The following ATXN1 variants were observed in gnomAD, a reference collection of about 807,000 sequenced individuals.
ATXN1 encodes ataxin-1.
ATXN1 carries 8 observed loss-of-function variants against 56.4 expected under a neutral mutation model. The ratio of observed to expected loss-of-function variants is 0.14; its 90% confidence interval spans 0.08 to 0.26. The LOEUF (loss-of-function observed/expected upper bound fraction) is 0.26. ATXN1 is among the 10% of genes least tolerant of loss of function. The pLI, the probability that ATXN1 is intolerant of heterozygous loss-of-function variation, is 1.00. For missense variants in ATXN1, 987 were observed against 1,106.5 expected (o/e 0.89, Z 1.53); for synonymous variants, 514 against 494.6 (o/e 1.04, Z -0.52).
intron 2 of ATXN1, among the ~76,000 whole-genome samples, chr6:16,720,265 G>T (rs894121024): frequency 6.6e-6 from 1 of 151,946 alleles, no homozygotes; most frequent in African/African-American, 2.4e-5. Context: ...AATCCCCTTC[G>T]CCCCTGCCAT....
chr6:16,556,665 C>T (rs1456732687), intron 4 of ATXN1, among the ~76,000 whole-genome samples: 1 of 152,180 alleles, frequency 6.6e-6, no homozygotes, highest in African/African-American at 2.4e-5. Flanking sequence ...GGCAGGCTCA[C>T]TGTTAATGGG....
At chr6:16,739,929 G>T in intron 2 of ATXN1, 1 of 455,942 alleles carries the variant, frequency 2.2e-6, no homozygotes. Flanking sequence ...CTGTTAGAGA[G>T]AAACATTCTT....
At chr6:16,351,632 G>A (rs1761569793) in intron 6 of ATXN1, among the ~76,000 whole-genome samples, 1 of 152,022 alleles carries the variant, frequency 6.6e-6, no homozygotes, top group African/African-American at 2.4e-5. Context: ...TGAACTCTTG[G>A]GCTCAAGAGA....
intron 7 of ATXN1, among the ~76,000 whole-genome samples, chr6:16,309,141 G>C (rs1760326215): frequency 6.6e-6 from 1 of 150,922 alleles, no homozygotes; most frequent in Non-Finnish European, 1.5e-5. Context: ...GAGGCAGGAG[G>C]ATCTTGAGCC....
At chr6:16,705,591 C>T (rs1759390384) in intron 2 of ATXN1, among the ~76,000 whole-genome samples, 1 of 152,140 alleles carries the variant, frequency 6.6e-6, no homozygotes, top group Non-Finnish European at 1.5e-5. Flanking sequence ...TCTAATTGCT[C>T]ATCAAGTCCT....
chr6:16,505,163 G>A (rs1760959669), intron 5 of ATXN1, among the ~76,000 whole-genome samples: 3 of 152,230 alleles, frequency 2.0e-5, no homozygotes, highest in South Asian at 4.1e-4. Flanking sequence ...CCTCTCAGCT[G>A]TGGTCAGCTG....
intron 6 of ATXN1, among the ~76,000 whole-genome samples, chr6:16,345,179 GT>G (rs1181976977): frequency 3.9e-5 from 6 of 152,140 alleles, no homozygotes; most frequent in Admixed American, 2.0e-4. Context: ...ATAAAATAAT[GT>G]TGTGGTATCT....
chr6:16,324,167 C>G (rs369694026), intron 7 of ATXN1, among the ~76,000 whole-genome samples: 2 of 152,128 alleles, frequency 1.3e-5, no homozygotes, highest in South Asian at 2.1e-4. Context: ...AAAAGCCAGA[C>G]ATAGGGACTC....
chr6:16,539,200 A>G (rs1465466936), intron 4 of ATXN1, among the ~76,000 whole-genome samples: 1 of 152,252 alleles, frequency 6.6e-6, no homozygotes, highest in African/African-American at 2.4e-5. Flanking sequence ...CTAATGATTC[A>G]TTCCACTTTT....
intron 6 of ATXN1, among the ~76,000 whole-genome samples, chr6:16,405,745 C>T (rs865872911): frequency 2.6e-5 from 4 of 152,340 alleles, no homozygotes; most frequent in Middle Eastern, 3.4e-3. Flanking sequence ...GCAGCTCATC[C>T]TGTCCTTGGA....
At chr6:16,702,223 A>G (rs867668254) in intron 2 of ATXN1, among the ~76,000 whole-genome samples, 9 of 152,254 alleles carry the variant, frequency 5.9e-5, no homozygotes, top group Non-Finnish European at 4.4e-5. Flanking sequence ...TGACAAAAAC[A>G]AGAAATGGGG....
chr6:16,391,462 T>A (rs936356686), intron 6 of ATXN1, among the ~76,000 whole-genome samples: 4 of 152,192 alleles, frequency 2.6e-5, no homozygotes, highest in Admixed American at 1.3e-4. Context: ...ATGGTATTTT[T>A]TAAAAACATT....
At chr6:16,613,392 A>G (rs1198158111) in intron 3 of ATXN1, among the ~76,000 whole-genome samples, 1 of 151,872 alleles carries the variant, frequency 6.6e-6, no homozygotes, top group Non-Finnish European at 1.5e-5. Context: ...ATATACAAAA[A>G]TAAGATTGAC....
chr6:16,634,790 C>A (rs9297013), intron 3 of ATXN1, among the ~76,000 whole-genome samples: 1 of 151,616 alleles, frequency 6.6e-6, no homozygotes, highest in South Asian at 2.1e-4. Flanking sequence ...ATTTATTTTG[C>A]GTGTGTGTGT....
intron 2 of ATXN1, among the ~76,000 whole-genome samples, chr6:16,678,925 A>G (rs909001084): frequency 6.6e-6 from 1 of 152,140 alleles, no homozygotes; most frequent in Non-Finnish European, 1.5e-5. Context: ...AATCCCAGCT[A>G]CTTGGGAGGC....
intron 3 of ATXN1, among the ~76,000 whole-genome samples, chr6:16,636,340 A>G (rs768556658): frequency 2.8e-4 from 33 of 116,074 alleles, no homozygotes; most frequent in Non-Finnish European, 5.1e-4. Context: ...CCTCCTCCCA[A>G]AGCAATTTAG....
intron 6 of ATXN1, among the ~76,000 whole-genome samples, chr6:16,440,648 A>AAAAAAAAAAAAGAAAG (rs748929817): frequency 1.7e-5 from 2 of 118,570 alleles, no homozygotes; most frequent in African/African-American, 3.6e-5. Context: ...CTTAAAAAAA[A>AAAAAAAAAAAAGAAAG]AAAAGAAAAG....
At chr6:16,440,456 A>G (rs925665037) in intron 6 of ATXN1, among the ~76,000 whole-genome samples, 1 of 151,672 alleles carries the variant, frequency 6.6e-6, no homozygotes, top group Non-Finnish European at 1.5e-5. Flanking sequence ...AAAAAAAAAA[A>G]ACCATTTTCT....
intron 6 of ATXN1, among the ~76,000 whole-genome samples, chr6:16,449,963 ATTG>A (rs1220766667): frequency 5.9e-5 from 9 of 152,230 alleles, no homozygotes; most frequent in Non-Finnish European, 1.2e-4. Context: ...ACAAAGCTTC[ATTG>A]TTCTTTCTTC....
Sources: allele counts gnomAD v4.1 joint callset (sites outside exome capture counted in the v4.1 genomes callset), GRCh38; gene constraint gnomAD v4.1.1; transcripts MANE v1.5; gene names NCBI Gene and HGNC (gene_info 2026-07-23, HGNC 2026-07-21).